CERS1: variants seen among roughly 807,000 people sequenced by gnomAD.
CERS1 encodes Embryonic growth/differentiation factor 1.
CERS1 carries 16 observed loss-of-function variants against 35.7 expected under a neutral mutation model. The observed-to-expected ratio is 0.45, with a 90% CI of 0.30 to 0.68. The LOEUF (loss-of-function observed/expected upper bound fraction) is 0.68. Among genes scored for constraint, CERS1 ranks in the 30% least tolerant of loss-of-function variants. The pLI is 0.08. For synonymous variants in CERS1, 243 were observed against 201.6 expected, an observed-to-expected ratio of 1.21 and a Z score of -1.74; for missense variants, 454 against 453.9, an observed-to-expected ratio of 1.00 and a Z score of 0.00.
chr19:18,880,702 GTTTA>G (rs950223731), intron 3 of CERS1, among the ~76,000 whole-genome samples: 7 of 151,918 alleles, frequency 4.6e-5, no homozygotes, highest in African/African-American at 1.4e-4. Context: ...CTCCCTGGAA[GTTTA>G]TTTTTCTTTT....
chr19:18,869,865 C>T (rs1182701015), intron 7 of CERS1, 118 bp downstream of exon 7: 5 of 997,286 alleles, frequency 5.0e-6, no homozygotes, highest in Non-Finnish European at 7.6e-6. Context: ...TTGCTAGTAG[C>T]CTGGACAGGG....
intron 1 of CERS1, among the ~76,000 whole-genome samples, chr19:18,894,890 C>T (rs1243365304): frequency 6.6e-6 from 1 of 152,310 alleles, no homozygotes; most frequent in East Asian, 1.9e-4. Context: ...TCCAGCCAGA[C>T]GGGCGGGGTG....
chr19:18,877,957 G>A (rs990060291), intron 6 of CERS1: 1 of 983,688 alleles, frequency 1.0e-6, no homozygotes, highest in Admixed American at 6.2e-5. Context: ...TACACCCAAG[G>A]CGAATCTGAT....
At chr19:18,877,338 GCTCACTGTT>G (rs2056076584) in intron 6 of CERS1, among the ~76,000 whole-genome samples, 1 of 152,320 alleles carries the variant, frequency 6.6e-6, no homozygotes, top group Non-Finnish European at 1.5e-5. Flanking sequence ...CCCACCATGA[GCTCACTGTT>G]CTACAGCAAG....
intron 1 of CERS1, 138 bp from the exon 2 acceptor site, chr19:18,893,713 C>A (rs933704982): frequency 6.9e-6 from 6 of 864,198 alleles, no homozygotes; most frequent in Admixed American, 2.7e-5. Context: ...CCACAGCCAC[C>A]TGGAGCATAA....
chr19:18,872,661 G>T (rs536422154), intron 6 of CERS1, among the ~76,000 whole-genome samples: 1 of 145,300 alleles, frequency 6.9e-6, no homozygotes, highest in African/African-American at 2.6e-5. Context: ...GATTACAGGC[G>T]CCTGCCACCA....
chr19:18,892,231 AG>A (rs2056507672), intron 2 of CERS1, among the ~76,000 whole-genome samples: 1 of 151,612 alleles, frequency 6.6e-6, no homozygotes, highest in Non-Finnish European at 1.5e-5. Context: ...AGATGGTGCA[AG>A]CCGAGGGGAC....
rs2056594923 is a variant in CERS1 at position 18,895,194 on chromosome 19, G to A, written c.249+630C>T. The stretch of plus-strand genomic sequence containing the variant: ...CCCTTGCCATCCCTGGTCGGAGGGT[G>A]GCGCTGACCCCAGATAGGCACAAGG... On this transcript the variant is annotated intron_variant, in intron 1 of 7. Transcript: ENST00000623882. This position sits in a 1 kb window ranked among gnomAD's most constrained non-coding sequence, Gnocchi z 6.4. Among the ~76,000 whole-genome samples, 1 of 152,252 alleles carries A rather than the reference G, an allele frequency of 6.6e-6. No individual in the cohort carries two copies. The highest frequency in any genetic ancestry group is 1.5e-5 in the Non-Finnish European group (1 of 68,038).
At position 18,878,641 on chromosome 19, in the gene CERS1, G is replaced by A. The variant is rs995048844; in HGVS notation, c.1010+289C>T. ...CACAGGGCCCTGGCTCGCCACTCCC[G>A]CCACACCAGCCACTAGGCCTGGCCC... On this transcript the variant is annotated intron_variant, in intron 6 of 7. Coordinates refer to ENST00000623882, the MANE Select transcript of CERS1 (RefSeq NM_021267.5). The surrounding 1 kb of genome is among the most constrained non-coding windows in gnomAD (Gnocchi z 4.6). 15 of 1,220,948 alleles carry A rather than the reference G, an allele frequency of 1.2e-5. No homozygotes were observed. The highest frequency in any genetic ancestry group is 7.6e-5 in the Admixed American group (2 of 26,144). The allele number at this position is 1,220,948 out of a possible 1,614,324, so 75.6% of individuals were successfully genotyped here.
In CERS1 at chr19:18,895,852, C is replaced by A. The variant is rs1261837571; in HGVS notation, c.221G>T (p.Arg74Leu). ...ALGALGWTAL[R>L]SAATARLFRP... is the part of the protein sequence containing the mutation. ...AAAGAGGCGCGCAGTGGCCGCGGAG[C>A]GCAGGGCGGTCCAGCCCAGCGCGCC... Residue 74 changes from arginine to leucine, a missense_variant, in exon 1 of 8, where the codon CGC becomes CTC. Arg to Leu is a moderately radical substitution (Grantham distance 102, BLOSUM62 -2). Coordinates refer to ENST00000623882, the MANE Select transcript of CERS1 (RefSeq NM_021267.5). This position sits in a 1 kb window ranked among gnomAD's most constrained non-coding sequence, Gnocchi z 6.4. The A allele has an allele frequency of 7.7e-7, 1 of 1,301,182 alleles. No homozygotes were observed. Among genetic ancestry groups the A allele is most frequent in the South Asian group, 1.9e-5 (1 of 52,410 alleles). 80.6% of individuals were successfully genotyped at this position (1,301,182 alleles called of 1,614,324 possible). A position where few individuals can be genotyped will look rare whatever the true frequency, so the allele number is the denominator to read the frequency against.
intron 2 of CERS1, among the ~76,000 whole-genome samples, chr19:18,887,457 C>T (rs1238244140): frequency 1.3e-5 from 2 of 152,156 alleles, no homozygotes; most frequent in Non-Finnish European, 2.9e-5. Context: ...TGTGAATGGA[C>T]TAAAAGCTGA....
At position 18,878,229 on chromosome 19, in the gene CERS1, A is replaced by G. The variant is rs1227905517; in HGVS notation, c.1010+701T>C. ...TGCTCAAACACTCCTCACGTTGCCT[A>G]TGAGACACTGCACACCCGACTCTGC... On this transcript the variant is annotated intron_variant, in intron 6 of 7. Transcript: ENST00000623882. The surrounding 1 kb of genome is among the most constrained non-coding windows in gnomAD (Gnocchi z 4.6). 1 of 985,454 alleles carries G rather than the reference A, an allele frequency of 1.0e-6. No individual in the cohort carries two copies. The highest frequency in any genetic ancestry group is 1.2e-6 in the Non-Finnish European group (1 of 830,150). 61.0% of individuals were successfully genotyped at this position (985,454 alleles called of 1,614,324 possible). A position where few individuals can be genotyped will look rare whatever the true frequency, so the allele number is the denominator to read the frequency against.
rs767727206 is a variant in CERS1 at position 18,880,326 on chromosome 19, G to A, written c.700C>T (p.Arg234Trp). Reference protein sequence around the residue: ...YFKSRGGSYHRLHALAADLGC... With the variant: ...YFKSRGGSYHWLHALAADLGC... ...AAGTCTGCTGCCAAGGCATGCAGCC[G>A]ATGGTAGGAGCCGCCGCGGGACTTG... The change falls in exon 4 of 8, where the codon CGG (arginine) becomes TGG (tryptophan). Residue 234 changes from arginine to tryptophan, a missense_variant. Physicochemically the swap from Arg to Trp is moderately radical, Grantham distance 101. Coordinates refer to ENST00000623882, the MANE Select transcript of CERS1 (RefSeq NM_021267.5). The A allele has an allele frequency of 2.6e-6, 4 of 1,554,472 alleles. No homozygotes were observed. The highest frequency in any genetic ancestry group is 2.4e-5 in the East Asian group (1 of 41,256).
intron 6 of CERS1, among the ~76,000 whole-genome samples, chr19:18,875,788 AAAG>A (rs930934223): frequency 1.4e-4 from 21 of 152,154 alleles, no homozygotes; most frequent in African/African-American, 3.9e-4. Context: ...GAGAGACAGA[AAAG>A]AAGAAGAGAA....
intron 2 of CERS1, among the ~76,000 whole-genome samples, chr19:18,892,569 G>A (rs1445438883): frequency 1.3e-5 from 2 of 151,984 alleles, no homozygotes; most frequent in African/African-American, 2.4e-5. Flanking sequence ...AGCCGAGATC[G>A]CGCCACTGCA....
At chr19:18,888,294 G>A (rs2056408165) in intron 2 of CERS1, among the ~76,000 whole-genome samples, 1 of 152,048 alleles carries the variant, frequency 6.6e-6, no homozygotes, top group South Asian at 2.1e-4. Flanking sequence ...GGGAGGCAGA[G>A]GTTGCAGTGA....
rs2055959354 is a variant in CERS1, at chr19:18,870,995, C to A, written c.1011-376G>T. On this transcript the variant is annotated intron_variant, in intron 6 of 7. Coordinates refer to ENST00000623882, the MANE Select transcript of CERS1 (RefSeq NM_021267.5). This position sits in a 1 kb window ranked among gnomAD's most constrained non-coding sequence, Gnocchi z 5.1. ...AGTGGGACCCTGCACATCCTCCTCT[C>A]CTCTGCCACCCACCCCACGAAGGCT... 1.3e-5 allele frequency among the ~76,000 whole-genome samples: 2 copies of A among 152,224 alleles called. No individual in the cohort carries two copies. Among genetic ancestry groups the A allele is most frequent in the Admixed American group, 1.3e-4 (2 of 15,278 alleles).
intron 3 of CERS1, among the ~76,000 whole-genome samples, chr19:18,880,859 G>A (rs1352043002): frequency 1.3e-5 from 2 of 152,022 alleles, no homozygotes; most frequent in Non-Finnish European, 2.9e-5. Context: ...CACCACACAC[G>A]GCTAATTTTT....
chr19:18,892,900 T>A (rs958178409), intron 2 of CERS1, among the ~76,000 whole-genome samples: 3 of 151,966 alleles, frequency 2.0e-5, no homozygotes, highest in Admixed American at 6.6e-5. Context: ...CTGATAAGCA[T>A]CCCCTTACAC....
Sources: allele counts gnomAD v4.1 joint callset (sites outside exome capture counted in the v4.1 genomes callset), GRCh38; gene constraint gnomAD v4.1.1; non-coding constraint Gnocchi (gnomAD v3.1); transcripts MANE v1.5; gene names NCBI Gene and HGNC (gene_info 2026-07-23, HGNC 2026-07-21).